Variants in AASDH observed in about 807,000 individuals in gnomAD.
AASDH encodes beta-alanine-activating enzyme.
In AASDH, 81 loss-of-function variants were observed where a neutral mutation model predicts 102.3. The ratio of observed to expected loss-of-function variants is 0.79; its 90% CI spans 0.66 to 0.95. The LOEUF is 0.95. AASDH is among the 40% of genes least tolerant of loss of function. The pLI, the probability that AASDH is intolerant of heterozygous loss-of-function variation, is 0.00. For synonymous variants in AASDH, 398 were observed against 454.0 expected (o/e 0.88, Z 1.57); for missense variants, 1,203 against 1,266.2 (o/e 0.95, Z 0.76).
intron 11 of AASDH, among the ~76,000 whole-genome samples, chr4:56,346,761 C>T (rs775441184): frequency 1.3e-4 from 20 of 152,092 alleles, no homozygotes; most frequent in South Asian, 4.1e-4. Context: ...AAAAGGTGCT[C>T]GTCAGACATG....
chr4:56,386,197 T>C (rs964454603), intron 1 of AASDH, among the ~76,000 whole-genome samples: 14 of 152,316 alleles, frequency 9.2e-5, no homozygotes, highest in South Asian at 6.2e-4. Context: ...AAGATACAAT[T>C]TTAAGCTTTC....
chr4:56,385,265 A>G (rs1377016341), intron 1 of AASDH, among the ~76,000 whole-genome samples: 1 of 152,178 alleles, frequency 6.6e-6, no homozygotes, highest in Non-Finnish European at 1.5e-5. Flanking sequence ...TTACTATACT[A>G]TTAATATTTT....
chr4:56,380,521 G>A (rs575516140), intron 3 of AASDH, among the ~76,000 whole-genome samples: 1 of 152,170 alleles, frequency 6.6e-6, no homozygotes, highest in African/African-American at 2.4e-5. Flanking sequence ...AACTACATAC[G>A]CTTCAGATCT....
chr4:56,378,441 T>A lies in AASDH; in HGVS notation c.375A>T (p.Thr125=). Residue 125 remains threonine, a synonymous_variant, in exon 4 of 15, where the codon ACA becomes ACT. Transcript: ENST00000205214. The stretch of plus-strand genomic sequence containing the variant: ...CTGTAAATGTATCATAGTTCAATAA[T>A]GTTTCATGAAAAGATTTAAATTTCT... ...QINKFKSFHE[T]LLNYDTFTVE... The A allele has an allele frequency of 6.3e-7, 1 of 1,599,900 alleles. No homozygotes were observed. The highest frequency in any genetic ancestry group is 8.5e-7 in the Non-Finnish European group (1 of 1,175,242).
At chr4:56,371,676 G>C in intron 4 of AASDH, 33 bp from the exon 5 acceptor site, 2 of 1,557,394 alleles carry the variant, frequency 1.3e-6, no homozygotes, top group South Asian at 2.4e-5. Context: ...TATGAGAAAC[G>C]TCAAACATTC....
At chr4:56,352,150 A>G (rs151109225) in intron 9 of AASDH, among the ~76,000 whole-genome samples, 1 of 152,300 alleles carries the variant, frequency 6.6e-6, no homozygotes, top group African/African-American at 2.4e-5. Flanking sequence ...AAATAAAATT[A>G]AAATAAAAAA....
At position 56,357,663 on chromosome 4, in the gene AASDH, G is replaced by A. The variant is rs1222621107; in HGVS notation, c.862-2240C>T. On this transcript the variant is annotated intron_variant, in intron 5 of 14. Transcript: ENST00000205214. ...ATATAATTATATATAATTATGAATAGAAATTATATATTCCATTTATATAAA... is the reference window on the plus strand; with the variant it reads ...ATATAATTATATATAATTATGAATAAAAATTATATATTCCATTTATATAAA... Among the ~76,000 whole-genome samples the A allele has an allele frequency of 3.3e-5, 5 of 149,448 alleles. No individual in the cohort carries two copies. In the East Asian group the frequency reaches 9.7e-4, roughly 29 times the overall value.
At chr4:56,345,527 ATACT>A (rs1748229906) in intron 11 of AASDH, among the ~76,000 whole-genome samples, 1 of 152,162 alleles carries the variant, frequency 6.6e-6, no homozygotes. Flanking sequence ...ATTTTTTTAC[ATACT>A]TATTTTTAAG....
At chr4:56,386,031 TAA>T (rs1753517723) in intron 1 of AASDH, among the ~76,000 whole-genome samples, 1 of 152,176 alleles carries the variant, frequency 6.6e-6, no homozygotes, top group South Asian at 2.1e-4. Flanking sequence ...AAAGAAATCC[TAA>T]AGAGAGTAAA....
intron 5 of AASDH, among the ~76,000 whole-genome samples, chr4:56,370,925 A>G (rs1234766116): frequency 1.3e-5 from 2 of 152,200 alleles, no homozygotes; most frequent in Non-Finnish European, 2.9e-5. Flanking sequence ...GTAGTAACTC[A>G]AGGCTTGTGT....
chr4:56,353,704 A>AAT, intron 8 of AASDH, 108 bp from the exon 9 acceptor site: 5 of 1,024,362 alleles, frequency 4.9e-6, no homozygotes, highest in Non-Finnish European at 6.9e-6. Context: ...TAAATTTTGG[A>AAT]ATATACTGGA....
At position 56,354,750 on chromosome 4, in the gene AASDH, T is replaced by C. The variant is rs1225885680; in HGVS notation, c.1165A>G (p.Thr389Ala). ...LLGTVVEVRDTNGFTIQEGSG... is the reference protein window; with the variant it reads ...LLGTVVEVRDANGFTIQEGSG... ...CCTTCCTGAATTGTGAAGCCATTAG[T>C]ATCTCTGACTTCAACTACTGTTCCA... Residue 389 changes from threonine (T) to alanine (A), a missense_variant, in exon 7 of 15, where the codon ACT (threonine) becomes GCT (alanine). Coordinates refer to ENST00000205214, the MANE Select transcript of AASDH (RefSeq NM_181806.4). 6.2e-7 allele frequency: 1 copy of C among 1,611,812 alleles called. No individual in the cohort carries two copies. Among genetic ancestry groups the C allele is most frequent in the Non-Finnish European group, 8.5e-7 (1 of 1,179,044 alleles).
chr4:56,373,640 A>G (rs1320105379), intron 4 of AASDH, among the ~76,000 whole-genome samples: 1 of 152,196 alleles, frequency 6.6e-6, no homozygotes, highest in Non-Finnish European at 1.5e-5. Context: ...TCTGAGCCCA[A>G]CAAAGGCTAC....
chr4:56,361,133 C>T (rs181293560), intron 5 of AASDH, among the ~76,000 whole-genome samples: 82 of 152,178 alleles, frequency 5.4e-4, no homozygotes, highest in Middle Eastern at 3.4e-3. Flanking sequence ...AAATGGAGGC[C>T]GAGTGTGGTG....
At position 56,341,389 on chromosome 4, in the gene AASDH, C is replaced by CTTTTTTTTTTTTTTT. The variant is rs575687659; in HGVS notation, c.2907+1431_2907+1445dup. On this transcript the variant is annotated intron_variant, in intron 14 of 14. Coordinates refer to ENST00000205214, the MANE Select transcript of AASDH (RefSeq NM_181806.4). Reference sequence around the variant, plus strand: ...CATGGATGGAACTGGAGACTTTTATCTTTTTTTTTTTTTTTTTTTTTGGAG... The same window carrying CTTTTTTTTTTTTTTT: ...CATGGATGGAACTGGAGACTTTTATCTTTTTTTTTTTTTTTTTTTTTTTTTTTTTTTTTTTTGGAG... Among the ~76,000 whole-genome samples, 46 of 92,398 alleles carry CTTTTTTTTTTTTTTT rather than the reference C, an allele frequency of 5.0e-4. 3 individuals are homozygous for CTTTTTTTTTTTTTTT. The highest frequency in any genetic ancestry group is 1.3e-3 in the African/African-American group (30 of 23,152). The allele number at this position is 92,398 out of a possible 152,430, so 60.6% of individuals were successfully genotyped here. A position where few individuals can be genotyped will look rare whatever the true frequency, so the allele number is the denominator to read the frequency against.
intron 5 of AASDH, among the ~76,000 whole-genome samples, chr4:56,363,278 G>A (rs753983215): frequency 3.9e-5 from 6 of 152,232 alleles, no homozygotes; most frequent in Admixed American, 6.5e-5. Context: ...GCCTGCCTCT[G>A]TAGGCTCCAC....
At chr4:56,343,463 C>T in intron 13 of AASDH, 99 bp downstream of exon 13, 1 of 927,364 alleles carries the variant, frequency 1.1e-6, no homozygotes, top group Non-Finnish European at 1.6e-6. Context: ...TGGACTACTA[C>T]AATTAACTGA....
chr4:56,373,184 A>G (rs1013915262), intron 4 of AASDH, among the ~76,000 whole-genome samples: 3 of 152,110 alleles, frequency 2.0e-5, no homozygotes, highest in African/African-American at 7.2e-5. Context: ...CTGTCACACA[A>G]GGTGGAGTGC....
At chr4:56,353,666 T>C in intron 8 of AASDH, 70 bp from the exon 9 acceptor site, 17 of 1,371,090 alleles carry the variant, frequency 1.2e-5, no homozygotes, top group Non-Finnish European at 1.6e-5. Flanking sequence ...GCTTATTTTT[T>C]TAATGTCTGA....
Sources: allele counts gnomAD v4.1 joint callset (sites outside exome capture counted in the v4.1 genomes callset), GRCh38; gene constraint gnomAD v4.1.1; transcripts MANE v1.5; gene names NCBI Gene and HGNC (gene_info 2026-07-23, HGNC 2026-07-21).